Variants in AAGAB observed in about 807,000 individuals in gnomAD.
AAGAB encodes the protein alpha and gamma adaptin binding protein.
In AAGAB, 38 loss-of-function variants were observed where a neutral mutation model predicts 44.1. The observed-to-expected ratio is 0.86, with a 90% CI of 0.67 to 1.13. The LOEUF (loss-of-function observed/expected upper bound fraction) is 1.13, where lower values mean the gene tolerates loss of function less well. AAGAB is among the 50% of genes most tolerant of loss of function. The pLI, the probability that AAGAB is intolerant of heterozygous loss-of-function variation, is 0.00. For synonymous variants in AAGAB, 131 were observed against 131.8 expected (o/e 0.99, Z 0.04); for missense variants, 450 against 373.8 (o/e 1.20, Z -1.68).
rs1462267376 is a variant in AAGAB, at chr15:67,200,822, TG to T, written c.*1998del. On this transcript the variant is annotated 3_prime_UTR_variant, in exon 10 of 10. Coordinates refer to ENST00000261880, the MANE Select transcript of AAGAB (RefSeq NM_024666.5). ...TTTCACTAGAGACCTTCATCCCATA[TG>T]TCCCTAGAAGAGGCCAATATCCCTG... 6.6e-6 allele frequency among the ~76,000 whole-genome samples: 1 copy of T among 152,216 alleles called. No individual in the cohort carries two copies. The highest frequency in any genetic ancestry group is 6.5e-5 in the Admixed American group (1 of 15,286).
intron 1 of AAGAB, chr15:67,242,683 C>G (rs1964631047): frequency 6.6e-6 from 1 of 152,212 alleles, no homozygotes; most frequent in Non-Finnish European, 1.5e-5. Flanking sequence ...TTAGAGTTGA[C>G]TTTACAGACA....
chr15:67,230,963 A>G (rs1186253511), intron 5 of AAGAB, among the ~76,000 whole-genome samples: 3 of 151,690 alleles, frequency 2.0e-5, no homozygotes, highest in Non-Finnish European at 4.4e-5. Context: ...AAAAGCCAAA[A>G]CTCTCCTGAC....
At chr15:67,232,272 G>A (rs1049471570) in intron 4 of AAGAB, among the ~76,000 whole-genome samples, 12 of 149,154 alleles carry the variant, frequency 8.0e-5, no homozygotes, top group East Asian at 4.0e-4. Context: ...AAAAAGTTAC[G>A]TATATATCCT....
upstream of AAGAB, chr15:67,255,049 C>T: frequency 5.3e-6 from 6 of 1,122,088 alleles, no homozygotes; most frequent in Non-Finnish European, 8.0e-6. Flanking sequence ...TGGTGCGCCG[C>T]CCCTAGACTC....
In AAGAB at chr15:67,201,310, A is replaced by G. The variant is rs1963566805; in HGVS notation, c.*1511T>C. 6.6e-6 allele frequency: 1 copy of G among 150,922 alleles called. No individual in the cohort carries two copies. Among genetic ancestry groups the G allele is most frequent in the Admixed American group, 6.6e-5 (1 of 15,114 alleles). 9.3% of individuals were successfully genotyped at this position (150,922 alleles called of 1,614,324 possible). A position where few individuals can be genotyped will look rare whatever the true frequency, so the allele number is the denominator to read the frequency against. ...AAAAGAAAAAAAAAAAAAAAGGAAC[A>G]AAAGGTCACTAAGCAATGTCCAGTG... On this transcript the variant is annotated 3_prime_UTR_variant, in exon 10 of 10. Transcript: ENST00000261880.
intron 7 of AAGAB, among the ~76,000 whole-genome samples, chr15:67,206,424 A>G (rs1016205002): frequency 2.6e-5 from 4 of 152,188 alleles, no homozygotes; most frequent in Admixed American, 6.5e-5. Context: ...AGATACTTTT[A>G]GACTATGCAG....
chr15:67,237,183 G>A (rs1276347129), intron 1 of AAGAB, among the ~76,000 whole-genome samples: 1 of 152,144 alleles, frequency 6.6e-6, no homozygotes, highest in Non-Finnish European at 1.5e-5. Flanking sequence ...ATAGGAGGTA[G>A]ACAATAACAA....
intron 1 of AAGAB, among the ~76,000 whole-genome samples, chr15:67,251,534 G>A (rs1964873141): frequency 6.6e-6 from 1 of 152,206 alleles, no homozygotes. Context: ...GGAATTCCAA[G>A]CATGCACCAC....
intron 7 of AAGAB, among the ~76,000 whole-genome samples, chr15:67,205,224 T>C (rs959810021): frequency 2.0e-5 from 3 of 152,244 alleles, no homozygotes; most frequent in African/African-American, 7.2e-5. Context: ...TCTATATTTT[T>C]AGACTAAGCT....
chr15:67,232,834 G>T, intron 4 of AAGAB: 1 of 188,166 alleles, frequency 5.3e-6, no homozygotes, highest in Non-Finnish European at 1.1e-5. Context: ...AAAAGCCAAA[G>T]GAGCAAAGGT....
At chr15:67,219,257 G>C (rs1400109900) in intron 5 of AAGAB, among the ~76,000 whole-genome samples, 1 of 152,152 alleles carries the variant, frequency 6.6e-6, no homozygotes, top group African/African-American at 2.4e-5. Flanking sequence ...CTGTATATGT[G>C]TTTATGTATT....
At chr15:67,204,020 A>G in intron 8 of AAGAB, 24 bp downstream of exon 8, 1 of 1,403,292 alleles carries the variant, frequency 7.1e-7, no homozygotes, top group South Asian at 1.2e-5. Context: ...ATGGGAACAT[A>G]TTAGACACAA....
chr15:67,235,878 G>T, intron 4 of AAGAB, 101 bp downstream of exon 4: 1 of 884,810 alleles, frequency 1.1e-6, no homozygotes, highest in South Asian at 1.7e-5. Flanking sequence ...AAACAGCTGG[G>T]GAAAAAAGTT....
intron 5 of AAGAB, among the ~76,000 whole-genome samples, chr15:67,229,475 A>C (rs1448445289): frequency 1.3e-5 from 2 of 151,848 alleles, no homozygotes; most frequent in Non-Finnish European, 2.9e-5. Flanking sequence ...AAAAAAACCC[A>C]AAAAAACTCC....
rs1005747938 is a variant in AAGAB, at chr15:67,201,809, G to T, written c.*1012C>A. 1 of 152,330 alleles carries T rather than the reference G, an allele frequency of 6.6e-6. No homozygotes were observed. Among genetic ancestry groups the T allele is most frequent in the Admixed American group, 6.5e-5 (1 of 15,276 alleles). 9.4% of individuals were successfully genotyped at this position (152,330 alleles called of 1,614,324 possible). A position where few individuals can be genotyped will look rare whatever the true frequency, so the allele number is the denominator to read the frequency against. ...AAAGAACAAAAGATAGTCCTCCGAG[G>T]TTACAGGCTTGGAAGGGCAGAGAGG... is the stretch of plus-strand genomic sequence containing the variant. On this transcript the variant is annotated 3_prime_UTR_variant, in exon 10 of 10. Coordinates refer to ENST00000261880, the MANE Select transcript of AAGAB (RefSeq NM_024666.5).
intron 7 of AAGAB, 119 bp downstream of exon 7, chr15:67,208,443 A>G (rs1324917254): frequency 2.6e-6 from 2 of 768,088 alleles, no homozygotes; most frequent in Non-Finnish European, 4.4e-6. Context: ...TGTGTGGTAT[A>G]CTACCAATTT....
chr15:67,222,282 A>ACACACACACACACACACAC (rs796412643), intron 5 of AAGAB, among the ~76,000 whole-genome samples: 4 of 139,850 alleles, frequency 2.9e-5, no homozygotes, highest in Non-Finnish European at 4.7e-5. Context: ...ACACACACAC[A>ACACACACACACACACACAC]CCCTCCACCC....
chr15:67,235,902 T>G (rs1022642071), intron 4 of AAGAB, 77 bp downstream of exon 4: 1 of 1,135,678 alleles, frequency 8.8e-7, no homozygotes, highest in Non-Finnish European at 1.3e-6. Context: ...TGAATTTTGC[T>G]GTGATTCTTC....
intron 5 of AAGAB, among the ~76,000 whole-genome samples, chr15:67,212,744 C>A (rs1466326998): frequency 6.6e-6 from 1 of 152,060 alleles, no homozygotes; most frequent in Non-Finnish European, 1.5e-5. Flanking sequence ...TAACATTGCT[C>A]AAAAAACTTA....
Sources: allele counts gnomAD v4.1 joint callset (sites outside exome capture counted in the v4.1 genomes callset), GRCh38; gene constraint gnomAD v4.1.1; transcripts MANE v1.5; gene names NCBI Gene and HGNC (gene_info 2026-07-23, HGNC 2026-07-21).